The following SLC22A11 variants were observed in gnomAD, a reference collection of about 807,000 sequenced individuals.
SLC22A11 encodes the protein solute carrier family 22 member 11.
Under a neutral mutation model 49.4 loss-of-function variants are expected in SLC22A11, and 42 were observed. The ratio of observed to expected loss-of-function variants is 0.85; its 90% CI spans 0.66 to 1.10. The LOEUF is 1.10. SLC22A11 is among the 50% of genes least tolerant of loss of function. The pLI, the probability that SLC22A11 is intolerant of heterozygous loss-of-function variation, is 0.00. For synonymous variants in SLC22A11, 304 were observed against 315.8 expected, an observed-to-expected ratio of 0.96 and a Z score of 0.40; for missense variants, 685 against 731.6, an observed-to-expected ratio of 0.94 and a Z score of 0.74.
rs753288437 is a variant in SLC22A11, at chr11:64,561,878, A to G, written c.498-126A>G. On this transcript the variant is annotated intron_variant, in intron 2 of 9. Transcript: ENST00000301891. The stretch of plus-strand genomic sequence containing the variant: ...TCTGAGTGTACCCCTAAAAGTTCCA[A>G]GAAGGAGGAGCTGGCTGCAAGAGAT... 8.5e-5 allele frequency: 101 copies of G among 1,182,442 alleles called. No individual in the cohort carries two copies. The Admixed American group carries it at 1.0e-3, about 12-fold the overall frequency. 73.2% of individuals were successfully genotyped at this position (1,182,442 alleles called of 1,614,324 possible). A position where few individuals can be genotyped will look rare whatever the true frequency, so the allele number is the denominator to read the frequency against.
In SLC22A11 at chr11:64,562,082, A is replaced by G; in HGVS notation, c.576A>G (p.Thr192=). The G allele has an allele frequency of 1.2e-6, 2 of 1,613,860 alleles. No individual in the cohort carries two copies. Among genetic ancestry groups the G allele is most frequent in the East Asian group, 2.2e-5 (1 of 44,880 alleles). The change falls in exon 3 of 10, where the codon ACA becomes ACG. Residue 192 remains threonine, a synonymous_variant. Coordinates refer to ENST00000301891, the MANE Select transcript of SLC22A11 (RefSeq NM_018484.4). This position sits in a 1 kb window ranked among gnomAD's most constrained non-coding sequence, Gnocchi z 4.4. The part of the protein sequence containing the change: ...VAGTSTIFAP[T]FVIYCGLRFV... Reference sequence around the variant, plus strand: ...GCACCAGCACCATCTTCGCCCCAACATTCGTCATCTACTGCGGCCTGCGGT... The same window carrying G: ...GCACCAGCACCATCTTCGCCCCAACGTTCGTCATCTACTGCGGCCTGCGGT...
At chr11:64,568,125 AGC>A (rs2038653792) in intron 7 of SLC22A11, among the ~76,000 whole-genome samples, 1 of 152,228 alleles carries the variant, frequency 6.6e-6, no homozygotes, top group South Asian at 2.1e-4. Flanking sequence ...TGCAGGCTGC[AGC>A]GAGAGCCCAA....
chr11:64,565,500 T>A lies in SLC22A11; in HGVS notation c.1058+163T>A, dbSNP rs758099901. 1 of 687,116 alleles carries A rather than the reference T, an allele frequency of 1.5e-6. No individual in the cohort carries two copies. The highest frequency in any genetic ancestry group is 1.5e-5 in the South Asian group (1 of 66,668). The allele number at this position is 687,116 out of a possible 1,614,324, so 42.6% of individuals were successfully genotyped here. Reference sequence around the variant, plus strand: ...CGCAGACAGCCCCAGCAGGCAGGAGTCCTGGCAGGCAGCAGAGAGGGACTA... The same window carrying A: ...CGCAGACAGCCCCAGCAGGCAGGAGACCTGGCAGGCAGCAGAGAGGGACTA... On this transcript the variant is annotated intron_variant, in intron 6 of 9. Transcript: ENST00000301891. This position sits in a 1 kb window ranked among gnomAD's most constrained non-coding sequence, Gnocchi z 4.1.
rs1192894639 is a variant in SLC22A11 at position 64,571,844 on chromosome 11, C to G, written c.*802C>G. The stretch of plus-strand genomic sequence containing the variant: ...CATGGGGCGGGGTGCACTGAGGATC[C>G]GAGCGAGCAGCCAGGGCTGCAGGAA... On this transcript the variant is annotated 3_prime_UTR_variant, in exon 10 of 10. Transcript: ENST00000301891. 6.6e-6 allele frequency: 1 copy of G among 152,316 alleles called. No individual in the cohort carries two copies. The highest frequency in any genetic ancestry group is 1.5e-5 in the Non-Finnish European group (1 of 68,116). 9.4% of individuals were successfully genotyped at this position (152,316 alleles called of 1,614,324 possible).
At chr11:64,568,620 C>G (rs1209470820) in intron 7 of SLC22A11, 50 bp from the exon 8 acceptor site, 11 of 1,517,534 alleles carry the variant, frequency 7.2e-6, no homozygotes, top group Non-Finnish European at 1.0e-5. Context: ...TGACTAGCCC[C>G]TGGGTACCCT....
At chr11:64,556,468 A>G in intron 1 of SLC22A11, 76 bp downstream of exon 1, 1 of 1,555,972 alleles carries the variant, frequency 6.4e-7, no homozygotes, top group Non-Finnish European at 8.6e-7. Flanking sequence ...GTTGGACTCC[A>G]AGGTCCAGTC....
chr11:64,562,352 C>A lies in SLC22A11; in HGVS notation c.738C>A (p.Gly246=), dbSNP rs764766339. Residue 246 remains glycine, a synonymous_variant, in exon 4 of 10, where the codon GGC becomes GGA. Transcript: ENST00000301891. The surrounding 1 kb of genome is among the most constrained non-coding windows in gnomAD (Gnocchi z 4.4). ...CAFSAGQAAL[G]GLAFALRDWR... is the part of the protein sequence containing the mutation. ...TCAGCGCAGGCCAGGCGGCGCTGGGCGGCCTGGCCTTTGCCCTGCGGGACT... is the reference window on the plus strand; with the variant it reads ...TCAGCGCAGGCCAGGCGGCGCTGGGAGGCCTGGCCTTTGCCCTGCGGGACT... The A allele has an allele frequency of 1.1e-5, 17 of 1,610,852 alleles. No individual in the cohort carries two copies. The highest frequency in any genetic ancestry group is 1.2e-5 in the Non-Finnish European group (14 of 1,178,682).
At chr11:64,568,897 C>G (rs1565124253) in intron 8 of SLC22A11, 119 bp downstream of exon 8, 1 of 806,816 alleles carries the variant, frequency 1.2e-6, no homozygotes, top group Non-Finnish European at 2.1e-6. Context: ...AGGGTCCCCC[C>G]CAGGACAGCT....
chr11:64,556,904 C>CCT (rs2038469981), intron 1 of SLC22A11, among the ~76,000 whole-genome samples: 2 of 152,262 alleles, frequency 1.3e-5, no homozygotes, highest in South Asian at 4.1e-4. Context: ...GAGGAAGCGC[C>CCT]AGATGGGCCC....
chr11:64,559,273 C>G, intron 2 of SLC22A11, 35 bp downstream of exon 2: 1 of 1,459,154 alleles, frequency 6.9e-7, no homozygotes, highest in African/African-American at 1.4e-5. Flanking sequence ...CCCCAGCTCC[C>G]TCAAAACATT....
chr11:64,556,218 C>A lies in SLC22A11; in HGVS notation c.219C>A (p.Ser73=). 6.2e-7 allele frequency: 1 copy of A among 1,614,164 alleles called. No individual in the cohort carries two copies. Among genetic ancestry groups the A allele is most frequent in the Non-Finnish European group, 8.5e-7 (1 of 1,180,026 alleles). ...NMTPKALLTI[S]IPPGPNQGPH... is the part of the protein sequence containing the mutation. ...CCCCCAAGGCCCTTCTGACCATCTC[C>A]ATCCCGCCAGGCCCCAACCAGGGGC... is the stretch of plus-strand genomic sequence containing the variant. Residue 73 remains serine (S), a synonymous_variant, in exon 1 of 10, where the codon TCC becomes TCA. Coordinates refer to ENST00000301891, the MANE Select transcript of SLC22A11 (RefSeq NM_018484.4).
intron 7 of SLC22A11, 82 bp downstream of exon 7, chr11:64,567,895 T>TC: frequency 1.4e-6 from 2 of 1,401,840 alleles, no homozygotes; most frequent in Non-Finnish European, 1.9e-6. Context: ...CCACATCCCC[T>TC]CCCTGGCCCC....
Position 64,560,722 on chromosome 11 carries a change from C to T in SLC22A11, c.498-1282C>T, listed in dbSNP as rs1402729083. 2.6e-5 allele frequency among the ~76,000 whole-genome samples: 4 copies of T among 152,174 alleles called. No homozygotes were observed. In the South Asian group the frequency reaches 6.2e-4, roughly 24 times the overall value. ...TGGCTCAAGGCTTGTTTGTTGTCCACGTCCCCACAAGCACACAGGGACCCA... is the reference window on the plus strand; with the variant it reads ...TGGCTCAAGGCTTGTTTGTTGTCCATGTCCCCACAAGCACACAGGGACCCA... On this transcript the variant is annotated intron_variant, in intron 2 of 9. Coordinates refer to ENST00000301891, the MANE Select transcript of SLC22A11 (RefSeq NM_018484.4).
chr11:64,558,820 A>G (rs1231178969), intron 1 of SLC22A11, among the ~76,000 whole-genome samples: 1 of 152,134 alleles, frequency 6.6e-6, no homozygotes, highest in South Asian at 2.1e-4. Context: ...TTACCAAGAA[A>G]TTGTTCATTT....
In SLC22A11 at chr11:64,556,471, G is replaced by T. The variant is rs2038461800; in HGVS notation, c.393+79G>T. 9 of 1,549,728 alleles carry T rather than the reference G, an allele frequency of 5.8e-6. 1 individual carries two copies. In the South Asian group the frequency reaches 8.2e-5, roughly 14 times the overall value. On this transcript the variant is annotated intron_variant, in intron 1 of 9. Coordinates refer to ENST00000301891, the MANE Select transcript of SLC22A11 (RefSeq NM_018484.4). The stretch of plus-strand genomic sequence containing the variant: ...TGGATCAGGTTGGTTGGACTCCAAG[G>T]TCCAGTCCTGGGAGGGACCCGCCTC...
Position 64,564,476 on chromosome 11 carries a change from T to C in SLC22A11, c.942+48T>C. The stretch of plus-strand genomic sequence containing the variant: ...ACTTGACCTGGGACAGGACGTGCAC[T>C]GAGGGATCATCCGTGTGGCCTCCAA... On this transcript the variant is annotated intron_variant, in intron 5 of 9. Transcript: ENST00000301891. The surrounding 1 kb of genome is among the most constrained non-coding windows in gnomAD (Gnocchi z 4.2). 1.2e-6 allele frequency: 2 copies of C among 1,601,936 alleles called. No homozygotes were observed. The highest frequency in any genetic ancestry group is 1.7e-6 in the Non-Finnish European group (2 of 1,172,332).
At chr11:64,568,833 G>A (rs2038665063) in intron 8 of SLC22A11, 55 bp downstream of exon 8, 2 of 1,495,500 alleles carry the variant, frequency 1.3e-6, no homozygotes, top group Non-Finnish European at 1.9e-6. Context: ...CTGAGAGGGC[G>A]GTGGGAAGGG....
chr11:64,562,188 A>G lies in SLC22A11; in HGVS notation c.652+30A>G. 6.2e-7 allele frequency: 1 copy of G among 1,608,568 alleles called. No homozygotes were observed. The highest frequency in any genetic ancestry group is 1.1e-5 in the South Asian group (1 of 90,700). Reference sequence around the variant, plus strand: ...GTCCCCGGCTCAGCGCGCTCCTGCCATGGGGGCGGGGGTGGCAGGAGAGAA... The same window carrying G: ...GTCCCCGGCTCAGCGCGCTCCTGCCGTGGGGGCGGGGGTGGCAGGAGAGAA... On this transcript the variant is annotated intron_variant, in intron 3 of 9. Coordinates refer to ENST00000301891, the MANE Select transcript of SLC22A11 (RefSeq NM_018484.4). The surrounding 1 kb of genome is among the most constrained non-coding windows in gnomAD (Gnocchi z 4.4).
In SLC22A11 at chr11:64,562,346, G is replaced by T. The variant is rs770582403; in HGVS notation, c.732G>T (p.Ala244=). ...VGCAFSAGQA[A]LGGLAFALRD... is the part of the protein sequence containing the mutation. ...GTGCCTTCAGCGCAGGCCAGGCGGC[G>T]CTGGGCGGCCTGGCCTTTGCCCTGC... The change falls in exon 4 of 10, where the codon GCG becomes GCT. Residue 244 remains alanine, a synonymous_variant. Coordinates refer to ENST00000301891, the MANE Select transcript of SLC22A11 (RefSeq NM_018484.4). The surrounding 1 kb of genome is among the most constrained non-coding windows in gnomAD (Gnocchi z 4.4). 2.5e-6 allele frequency: 4 copies of T among 1,611,196 alleles called. No homozygotes were observed. The highest frequency in any genetic ancestry group is 3.4e-6 in the Non-Finnish European group (4 of 1,178,868).
Sources: allele counts gnomAD v4.1 joint callset (sites outside exome capture counted in the v4.1 genomes callset), GRCh38; gene constraint gnomAD v4.1.1; non-coding constraint Gnocchi (gnomAD v3.1); transcripts MANE v1.5; gene names NCBI Gene and HGNC (gene_info 2026-07-23, HGNC 2026-07-21).